MTUS1: variants seen among roughly 807,000 people sequenced by gnomAD.
The protein encoded by MTUS1 is microtubule-associated tumor suppressor 1.
In MTUS1, 109 loss-of-function variants were observed where a neutral mutation model predicts 120.8. That is an observed-to-expected ratio of 0.90 (90% CI 0.77 to 1.06). The LOEUF is 1.06. MTUS1 is among the 50% of genes least tolerant of loss of function. The probability of loss-of-function intolerance (pLI) is 0.00; values close to 1 mark genes in which losing one functional copy is unlikely to be tolerated. For missense variants in MTUS1, 2,210 were observed against 1,486.3 expected, an observed-to-expected ratio of 1.49 and a Z score of -8.01; for synonymous variants, 737 against 550.5, an observed-to-expected ratio of 1.34 and a Z score of -4.74.
At chr8:17,769,984 A>G (rs2049904950) in intron 1 of MTUS1, among the ~76,000 whole-genome samples, 1 of 151,964 alleles carries the variant, frequency 6.6e-6, no homozygotes, top group Non-Finnish European at 1.5e-5. Context: ...AGTGAGAAAT[A>G]AGCAAGGTTC....
At chr8:17,756,679 C>A (rs112722666) in intron 1 of MTUS1, among the ~76,000 whole-genome samples, 1 of 123,452 alleles carries the variant, frequency 8.1e-6, no homozygotes, top group African/African-American at 3.0e-5. Flanking sequence ...AAACCCCCAC[C>A]CCTTATGTAA....
intron 6 of MTUS1, among the ~76,000 whole-genome samples, chr8:17,686,067 T>A (rs1046056677): frequency 2.6e-4 from 40 of 152,218 alleles, no homozygotes; most frequent in African/African-American, 9.7e-4. Flanking sequence ...ACATAACACA[T>A]AACAATTCCA....
intron 1 of MTUS1, among the ~76,000 whole-genome samples, chr8:17,795,766 C>G (rs774993467): frequency 6.7e-6 from 1 of 148,538 alleles, no homozygotes; most frequent in African/African-American, 2.5e-5. Context: ...CAGCCTCCCA[C>G]GTAGCGGGGA....
In MTUS1 at chr8:17,755,718, G is replaced by A. The variant is rs779193445; in HGVS notation, c.90C>T (p.Asn30=). 3.1e-6 allele frequency: 5 copies of A among 1,614,168 alleles called. No homozygotes were observed. Among genetic ancestry groups the A allele is most frequent in the Non-Finnish European group, 1.7e-6 (2 of 1,180,018 alleles). The change falls in exon 2 of 15, where the codon AAC becomes AAT. Residue 30 remains asparagine, a synonymous_variant. Coordinates refer to ENST00000693296, the MANE Select transcript of MTUS1 (RefSeq NM_001363059.2). ...SDKDGNTHAY[N]PKSPPTQNSS... Reference sequence around the variant, plus strand: ...AGTTTTGTGTAGGTGGTGATTTCGGGTTGTATGCATGTGTATTTCCATCTT... The same window carrying A: ...AGTTTTGTGTAGGTGGTGATTTCGGATTGTATGCATGTGTATTTCCATCTT...
chr8:17,669,845 TAAAAAACAA>T (rs1174360592), intron 8 of MTUS1, among the ~76,000 whole-genome samples: 1 of 106,686 alleles, frequency 9.4e-6, no homozygotes, highest in East Asian at 2.6e-4. Context: ...AAACTCCTTC[TAAAAAACAA>T]AAAAAACAAA....
intron 6 of MTUS1, among the ~76,000 whole-genome samples, chr8:17,711,587 C>A (rs1821310912): frequency 6.6e-6 from 1 of 152,170 alleles, no homozygotes; most frequent in Non-Finnish European, 1.5e-5. Flanking sequence ...ACCACTCAGA[C>A]TTTCTCTCTG....
chr8:17,650,214 T>G (rs377143211), intron 12 of MTUS1, among the ~76,000 whole-genome samples: 1 of 152,318 alleles, frequency 6.6e-6, no homozygotes, highest in Non-Finnish European at 1.5e-5. Context: ...ATCAAACATG[T>G]TATTGTATCA....
chr8:17,650,549 A>G (rs1428095868), intron 12 of MTUS1, among the ~76,000 whole-genome samples: 2 of 152,184 alleles, frequency 1.3e-5, no homozygotes. Flanking sequence ...ATTTCTCTCC[A>G]AAAATTACAA....
rs1812838586 is a variant in MTUS1 at position 17,675,199 on chromosome 8, G to T, written c.2892C>A (p.Leu964=). 1 of 1,614,002 alleles carries T rather than the reference G, an allele frequency of 6.2e-7. No individual in the cohort carries two copies. Residue 964 remains leucine, a synonymous_variant, in exon 8 of 15, where the codon CTC becomes CTA. Coordinates refer to ENST00000693296, the MANE Select transcript of MTUS1 (RefSeq NM_001363059.2). ...AAAAGCTCTTACCTAGCTCTCCCCG[G>T]AGGTTAACAAGTTCTTGAGATAGGG... ...HKTLSQELVN[L]RGELVTASTT... is the part of the protein sequence containing the mutation.
intron 6 of MTUS1, chr8:17,693,313 C>G (rs185035688): frequency 1.3e-5 from 2 of 152,184 alleles, no homozygotes; most frequent in Non-Finnish European, 2.9e-5. Context: ...GCCTAATGTC[C>G]TGCAACATCA....
At position 17,715,902 on chromosome 8, in the gene MTUS1, C is replaced by G; in HGVS notation, c.2450-1G>C. ...TATTTGATGACAGCGGCATTACCAG[C>G]TGTAATAAAACAGAAAAGTACATTT... On this transcript the variant is annotated splice_acceptor_variant, in intron 4 of 14. Coordinates refer to ENST00000693296, the MANE Select transcript of MTUS1 (RefSeq NM_001363059.2). LOFTEE classifies it high-confidence loss of function. 6.2e-7 allele frequency: 1 copy of G among 1,608,036 alleles called. No homozygotes were observed.
chr8:17,670,327 T>C (rs755422253), intron 8 of MTUS1, among the ~76,000 whole-genome samples: 6 of 152,082 alleles, frequency 3.9e-5, no homozygotes, highest in Non-Finnish European at 5.9e-5. Context: ...CACTGTTGTA[T>C]AGGTAGTAGC....
Position 17,684,456 on chromosome 8 carries a change from C to G in MTUS1, c.2710G>C (p.Glu904Gln). Residue 904 changes from glutamate to glutamine, a missense_variant, in exon 7 of 15, where the codon GAA (glutamate) becomes CAA (glutamine). Transcript: ENST00000693296. ...PDALPPEKTL[E>Q]LTQYKTKCEN... ...CATTTTGTTTTATATTGCGTCAATT[C>G]AAGTGTTTTCTCAGGGGGCAGCGCA... 6.2e-7 allele frequency: 1 copy of G among 1,614,168 alleles called. No individual in the cohort carries two copies.
intron 8 of MTUS1, among the ~76,000 whole-genome samples, chr8:17,664,833 G>A (rs966623716): frequency 1.3e-5 from 2 of 152,070 alleles, no homozygotes; most frequent in African/African-American, 4.8e-5. Context: ...TGAAACTGGA[G>A]GTAGTAACAT....
intron 1 of MTUS1, among the ~76,000 whole-genome samples, chr8:17,765,608 G>C (rs1425216202): frequency 1.9e-5 from 2 of 103,644 alleles, no homozygotes; most frequent in Non-Finnish European, 3.7e-5. Flanking sequence ...AACAGAGCAA[G>C]ACTCTGTCTC....
chr8:17,779,237 A>G (rs75794499), intron 1 of MTUS1, among the ~76,000 whole-genome samples: 2,176 of 152,254 alleles, frequency 0.014, 64 homozygotes, highest in African/African-American at 0.05. Flanking sequence ...ACAGTTTACT[A>G]TTTTGCTGTG....
intron 1 of MTUS1, among the ~76,000 whole-genome samples, chr8:17,786,007 G>C (rs778849986): frequency 2.6e-5 from 4 of 152,118 alleles, no homozygotes; most frequent in Non-Finnish European, 5.9e-5. Context: ...AGCCATGGTG[G>C]CACATGCCCA....
intron 12 of MTUS1, among the ~76,000 whole-genome samples, 192 bp downstream of exon 12, chr8:17,652,994 T>A (rs1409967774): frequency 1.3e-5 from 2 of 152,166 alleles, no homozygotes; most frequent in African/African-American, 2.4e-5. Context: ...CATCCGTATG[T>A]CAGATTTTAG....
intron 8 of MTUS1, among the ~76,000 whole-genome samples, chr8:17,661,307 T>G (rs370976520): frequency 6.6e-6 from 1 of 152,154 alleles, no homozygotes; most frequent in Non-Finnish European, 1.5e-5. Context: ...GCTTTTCACT[T>G]GCTTCTCTTA....
Sources: gnomAD v4.1 joint callset for allele counts (sites outside exome capture counted in the v4.1 genomes callset) on GRCh38, gnomAD v4.1.1 for gene constraint, MANE v1.5 for transcripts, NCBI Gene and HGNC (gene_info 2026-07-23, HGNC 2026-07-21) for gene names.